Variants in APC observed in about 807,000 individuals in gnomAD.
APC encodes the protein APC regulator of Wnt signaling pathway.
Under a neutral mutation model 247.0 loss-of-function variants are expected in APC, and 72 were observed. The observed-to-expected ratio is 0.29, with a 90% CI of 0.24 to 0.35. The LOEUF (loss-of-function observed/expected upper bound fraction) is 0.35. APC is among the 10% of genes least tolerant of loss of function. The probability of loss-of-function intolerance (pLI) is 1.00; values close to 1 mark genes in which losing one functional copy is unlikely to be tolerated. For synonymous variants in APC, 1,254 were observed against 1,162.5 expected (o/e 1.08, Z -1.60); for missense variants, 3,400 against 3,360.7 (o/e 1.01, Z -0.29).
chr5:112,724,271 G>T (rs1751646204), intron 1 of APC, among the ~76,000 whole-genome samples: 1 of 152,046 alleles, frequency 6.6e-6, no homozygotes. Flanking sequence ...AAAGCTTGTT[G>T]TTCAGAAGCT....
At chr5:112,755,378 AG>A (rs1437050883) in intron 2 of APC, among the ~76,000 whole-genome samples, 3 of 152,304 alleles carry the variant, frequency 2.0e-5, no homozygotes, top group Admixed American at 2.0e-4. Context: ...TATTAAGTGT[AG>A]CCTTCCTCCC....
chr5:112,750,377 T>G (rs549397530), intron 1 of APC, among the ~76,000 whole-genome samples: 1 of 152,278 alleles, frequency 6.6e-6, no homozygotes, highest in East Asian at 1.9e-4. Flanking sequence ...GTTCTTTAAG[T>G]GATATTTTTT....
chr5:112,774,781 G>GGATC (rs1259049809), intron 4 of APC, among the ~76,000 whole-genome samples: 1 of 151,692 alleles, frequency 6.6e-6, no homozygotes, highest in East Asian at 1.9e-4. Context: ...CTGGCCCCCA[G>GGATC]GATCAATTTT....
At chr5:112,707,900 C>T (rs1357665671) in intron 1 of APC, 3 of 1,357,246 alleles carry the variant, frequency 2.2e-6, no homozygotes, top group East Asian at 3.4e-5. Context: ...AGGCTGCAGG[C>T]ATTGACGTCT....
Position 112,764,037 on chromosome 5 carries a change from A to C in APC, c.136-2289A>C, listed in dbSNP as rs552022996. Among the ~76,000 whole-genome samples, 7 of 151,258 alleles carry C rather than the reference A, an allele frequency of 4.6e-5. No homozygotes were observed. In the East Asian group the frequency reaches 1.4e-3, roughly 29 times the overall value. ...CGGATGGTGATGTCAGGAGATCGAG[A>C]CCATCCTGGCTAACACGGTGAAACC... On this transcript the variant is annotated intron_variant, in intron 2 of 15. Coordinates refer to ENST00000257430, the MANE Select transcript of APC (RefSeq NM_000038.6).
At chr5:112,782,803 A>G (rs1758492996) in intron 6 of APC, among the ~76,000 whole-genome samples, 1 of 152,204 alleles carries the variant, frequency 6.6e-6, no homozygotes. Flanking sequence ...TTTATCTTCA[A>G]CAGGTACCTG....
In APC at chr5:112,819,147, A is replaced by G. The variant is rs1580529465; in HGVS notation, c.1115A>G (p.Asn372Ser). 6.2e-7 allele frequency: 1 copy of G among 1,614,018 alleles called. No individual in the cohort carries two copies. The highest frequency in any genetic ancestry group is 1.1e-5 in the South Asian group (1 of 91,082). The change falls in exon 10 of 16, where the codon AAT (asparagine) becomes AGT (serine). Residue 372 changes from asparagine to serine, a missense_variant. By Grantham distance (46) the Asn-to-Ser change is conservative. This residue lies in a region of APC where 199 missense variants were observed against 212.5 expected (regional missense o/e 0.94). Transcript: ENST00000257430. Reference sequence around the variant, plus strand: ...GACAAAGACTCTGTATTGTTGGGAAATTCCCGGGGCAGTAAAGAGGCTCGG... The same window carrying G: ...GACAAAGACTCTGTATTGTTGGGAAGTTCCCGGGGCAGTAAAGAGGCTCGG... ...GNDKDSVLLG[N>S]SRGSKEARAR...
chr5:112,824,369 G>C (rs541340799), intron 11 of APC, among the ~76,000 whole-genome samples: 2 of 152,248 alleles, frequency 1.3e-5, no homozygotes, highest in African/African-American at 4.8e-5. Flanking sequence ...TCTATTCTGT[G>C]CCTCAAAATT....
rs878853452 is a variant in APC at position 112,840,370 on chromosome 5, A to G, written c.4776A>G (p.Lys1592=). 2 of 1,614,094 alleles carry G rather than the reference A, an allele frequency of 1.2e-6. No individual in the cohort carries two copies. Among genetic ancestry groups the G allele is most frequent in the African/African-American group, 1.3e-5 (1 of 74,932 alleles). ...CAACAAAGTCATCACGTAAAGCAAA[A>G]AAGCCAGCCCAGACTGCTTCAAAAT... ...AMPTKSSRKA[K]KPAQTASKLP... Residue 1592 remains lysine, a synonymous_variant, in exon 16 of 16, where the codon AAA becomes AAG. Coordinates refer to ENST00000257430, the MANE Select transcript of APC (RefSeq NM_000038.6). The surrounding 1 kb of genome is among the most constrained non-coding windows in gnomAD (Gnocchi z 4.1).
At chr5:112,720,250 C>G (rs1295234062) in intron 1 of APC, among the ~76,000 whole-genome samples, 1 of 152,114 alleles carries the variant, frequency 6.6e-6, no homozygotes. Flanking sequence ...AGAACAAAAC[C>G]AGCTCTGTTG....
intron 8 of APC, among the ~76,000 whole-genome samples, chr5:112,807,644 G>A (rs1363672929): frequency 2.0e-5 from 3 of 150,570 alleles, no homozygotes; most frequent in Non-Finnish European, 4.4e-5. Flanking sequence ...GGAAAAAGAT[G>A]GAATGATAGA....
At chr5:112,781,431 T>C (rs1758335846) in intron 6 of APC, among the ~76,000 whole-genome samples, 1 of 152,230 alleles carries the variant, frequency 6.6e-6, no homozygotes, top group African/African-American at 2.4e-5. Context: ...TATTATTGAA[T>C]ATAGCCTTTT....
At chr5:112,727,799 T>C (rs190449976) in intron 1 of APC, among the ~76,000 whole-genome samples, 9 of 152,316 alleles carry the variant, frequency 5.9e-5, no homozygotes, top group African/African-American at 2.2e-4. Flanking sequence ...GATATCTTTA[T>C]GAATACAGTT....
intron 6 of APC, among the ~76,000 whole-genome samples, chr5:112,791,335 G>C (rs1411494482): frequency 6.6e-6 from 1 of 152,116 alleles, no homozygotes; most frequent in Non-Finnish European, 1.5e-5. Flanking sequence ...TAGGTACTTG[G>C]AAAGGCTGAA....
At chr5:112,768,275 T>G (rs959517594) in intron 4 of APC, among the ~76,000 whole-genome samples, 3 of 151,694 alleles carry the variant, frequency 2.0e-5, no homozygotes, top group Non-Finnish European at 4.4e-5. Context: ...ACTCATGACC[T>G]TAGGTGATTC....
intron 1 of APC, chr5:112,708,024 T>G: frequency 3.4e-6 from 3 of 889,298 alleles, no homozygotes; most frequent in Non-Finnish European, 4.5e-6. Flanking sequence ...CTCCCCGCAC[T>G]CCCCATTCAG....
At position 112,845,861 on chromosome 5, in the gene APC, C is replaced by G. The variant is rs1580699830; in HGVS notation, c.*1735C>G. The stretch of plus-strand genomic sequence containing the variant: ...TTTATTTTTAGTGATAAGATTCATA[C>G]ACTCTGTATTTGGGGAGGGAAAACC... On this transcript the variant is annotated 3_prime_UTR_variant, in exon 16 of 16. Coordinates refer to ENST00000257430, the MANE Select transcript of APC (RefSeq NM_000038.6). The G allele has an allele frequency of 2.6e-5, 6 of 232,086 alleles. No individual in the cohort carries two copies. The East Asian group carries it at 3.7e-4, about 14-fold the overall frequency. The allele number at this position is 232,086 out of a possible 1,614,324, so 14.4% of individuals were successfully genotyped here. A position where few individuals can be genotyped will look rare whatever the true frequency, so the allele number is the denominator to read the frequency against.
At chr5:112,820,267 G>A (rs1299032256) in intron 10 of APC, among the ~76,000 whole-genome samples, 2 of 151,948 alleles carry the variant, frequency 1.3e-5, no homozygotes, top group African/African-American at 4.8e-5. Flanking sequence ...ATGTGAAGAG[G>A]AGATGATACA....
chr5:112,812,040 TC>T (rs1762038386), intron 8 of APC, among the ~76,000 whole-genome samples: 1 of 152,196 alleles, frequency 6.6e-6, no homozygotes, highest in Non-Finnish European at 1.5e-5. Flanking sequence ...CAAGGGCAGT[TC>T]ACAGCATAGT....
Sources: gnomAD v4.1 joint callset for allele counts (sites outside exome capture counted in the v4.1 genomes callset) on GRCh38, gnomAD v4.1.1 for gene constraint, gnomAD v4.1.1 regional missense constraint, Gnocchi (gnomAD v3.1) non-coding constraint, MANE v1.5 for transcripts, NCBI Gene and HGNC (gene_info 2026-07-23, HGNC 2026-07-21) for gene names.